Variants in COL21A1 observed in about 807,000 individuals in gnomAD.
COL21A1 encodes collagen type XXI alpha 1 chain, also known as collagen alpha-1(XXI) chain.
Under a neutral mutation model 137.9 loss-of-function variants are expected in COL21A1, and 149 were observed. The ratio of observed to expected loss-of-function variants is 1.08; its 90% CI spans 0.95 to 1.24. COL21A1 has a LOEUF of 1.24. Ranked by LOEUF, COL21A1 falls within the 50% of genes most tolerant of loss-of-function variation. The pLI, the probability that COL21A1 is intolerant of heterozygous loss-of-function variation, is 0.00. For synonymous variants in COL21A1, 456 were observed against 391.5 expected (o/e 1.16, Z -1.95); for missense variants, 1,167 against 1,158.4 (o/e 1.01, Z -0.11).
At chr6:56,167,472 A>C (rs1776683187) in intron 6 of COL21A1, among the ~76,000 whole-genome samples, 1 of 152,226 alleles carries the variant, frequency 6.6e-6, no homozygotes, top group Admixed American at 6.5e-5. Flanking sequence ...ATGTAGCATT[A>C]ATTCATAGAG....
At chr6:56,151,827 CACA>C (rs1775350690) in intron 10 of COL21A1, among the ~76,000 whole-genome samples, 4 of 152,188 alleles carry the variant, frequency 2.6e-5, no homozygotes, top group Non-Finnish European at 5.9e-5. Context: ...TGGCCTTGAA[CACA>C]TACTAATGAC....
chr6:56,377,690 C>T (rs1204966798), intron 1 of COL21A1, among the ~76,000 whole-genome samples: 1 of 152,064 alleles, frequency 6.6e-6, no homozygotes, highest in African/African-American at 2.4e-5. Context: ...GAACTGGGCC[C>T]AGAGACAGTG....
At chr6:56,312,636 A>G (rs999314896) in intron 1 of COL21A1, among the ~76,000 whole-genome samples, 2 of 152,204 alleles carry the variant, frequency 1.3e-5, no homozygotes, top group Non-Finnish European at 2.9e-5. Context: ...TGGATACATG[A>G]ATTGAAGGCT....
intron 16 of COL21A1, among the ~76,000 whole-genome samples, chr6:56,109,823 A>G (rs1025962076): frequency 6.6e-6 from 1 of 152,018 alleles, no homozygotes; most frequent in Admixed American, 6.5e-5. Context: ...AGGTTGCTCA[A>G]GAAGAAAGAT....
chr6:56,111,642 T>C (rs900684868), intron 16 of COL21A1, among the ~76,000 whole-genome samples: 1 of 151,094 alleles, frequency 6.6e-6, no homozygotes, highest in African/African-American at 2.4e-5. Context: ...GGTGGGTGAA[T>C]CACCTGAGGT....
intron 12 of COL21A1, among the ~76,000 whole-genome samples, chr6:56,134,869 T>C (rs182123189): frequency 3.3e-5 from 5 of 152,294 alleles, no homozygotes; most frequent in Admixed American, 2.0e-4. Context: ...CCTCCCATGA[T>C]TGTGAGGCCT....
intron 1 of COL21A1, among the ~76,000 whole-genome samples, chr6:56,386,991 T>G (rs951078432): frequency 2.0e-5 from 3 of 152,250 alleles, no homozygotes; most frequent in Non-Finnish European, 4.4e-5. Context: ...CCTAGAGTGC[T>G]TCCCAGCACA....
chr6:56,175,457 C>T (rs140583522), intron 3 of COL21A1, among the ~76,000 whole-genome samples: 81 of 152,022 alleles, frequency 5.3e-4, no homozygotes, highest in African/African-American at 1.9e-3. Flanking sequence ...TTGGAGAATA[C>T]AAATTCAACA....
chr6:56,064,063 A>G (rs1410522547), intron 24 of COL21A1, among the ~76,000 whole-genome samples: 1 of 152,134 alleles, frequency 6.6e-6, no homozygotes, highest in Non-Finnish European at 1.5e-5. Flanking sequence ...TCAAGAAAGA[A>G]GCAAAGCCAT....
chr6:56,317,139 T>G (rs985888019), intron 1 of COL21A1, among the ~76,000 whole-genome samples: 3 of 152,162 alleles, frequency 2.0e-5, no homozygotes, highest in African/African-American at 7.2e-5. Context: ...GATGTCAGGG[T>G]GGCAGTTTAT....
intron 9 of COL21A1, among the ~76,000 whole-genome samples, chr6:56,159,019 A>C (rs1775998855): frequency 6.6e-6 from 1 of 152,132 alleles, no homozygotes; most frequent in African/African-American, 2.4e-5. Flanking sequence ...TCTTGTTTTG[A>C]GAAGGTGCAC....
In COL21A1 at chr6:56,180,126, C is replaced by A; in HGVS notation, c.92G>T (p.Cys31Phe). ...AACTAAATCTGTCGGAGCAGTACGACAACCTAAGTGCAAAAGAAAACCATC... is the reference window on the plus strand; with the variant it reads ...AACTAAATCTGTCGGAGCAGTACGAAAACCTAAGTGCAAAAGAAAACCATC... ...LAEDGEVRSSCRTAPTDLVFI... is the reference protein window; with the variant it reads ...LAEDGEVRSSFRTAPTDLVFI... The change falls in exon 3 of 30, where the codon TGT becomes TTT. Residue 31 changes from cysteine (C) to phenylalanine (F), a missense_variant. Physicochemically the swap from Cys to Phe is radical, Grantham distance 205. Transcript: ENST00000244728. The A allele has an allele frequency of 1.2e-6, 2 of 1,602,942 alleles. No homozygotes were observed. Among genetic ancestry groups the A allele is most frequent in the South Asian group, 1.1e-5 (1 of 89,142 alleles).
intron 1 of COL21A1, among the ~76,000 whole-genome samples, chr6:56,265,675 T>C (rs1315405936): frequency 6.6e-6 from 1 of 152,214 alleles, no homozygotes; most frequent in Non-Finnish European, 1.5e-5. Flanking sequence ...CAGTGGACAA[T>C]AGACCTGCCT....
At chr6:56,073,975 C>T (rs927550225) in intron 20 of COL21A1, among the ~76,000 whole-genome samples, 2 of 151,352 alleles carry the variant, frequency 1.3e-5, no homozygotes, top group African/African-American at 4.8e-5. Context: ...ATACTAGACA[C>T]CAAGACACCA....
intron 1 of COL21A1, among the ~76,000 whole-genome samples, chr6:56,314,088 G>A (rs1764673745): frequency 6.6e-6 from 1 of 152,128 alleles, no homozygotes; most frequent in Admixed American, 6.6e-5. Flanking sequence ...GGGTTCAAGT[G>A]ATTCCCTTGC....
In COL21A1 at chr6:56,166,853, G is replaced by T. The variant is rs775869732; in HGVS notation, c.1278+53C>A. 7.7e-6 allele frequency: 10 copies of T among 1,296,004 alleles called. No homozygotes were observed. The South Asian group carries it at 1.3e-4, about 16-fold the overall frequency. The allele number at this position is 1,296,004 out of a possible 1,614,324, so 80.3% of individuals were successfully genotyped here. ...AGATAGTATCTGCTTTTTATTTATT[G>T]CTTTGAAAGTACTAAAGCAACATCT... On this transcript the variant is annotated intron_variant, in intron 7 of 29. Transcript: ENST00000244728.
intron 1 of COL21A1, among the ~76,000 whole-genome samples, chr6:56,353,542 T>C (rs1765764117): frequency 6.6e-6 from 1 of 152,192 alleles, no homozygotes; most frequent in Admixed American, 6.5e-5. Flanking sequence ...TTAGCTTAGT[T>C]CATTCAACCC....
At chr6:56,181,399 G>GT (rs141961710) in intron 2 of COL21A1, among the ~76,000 whole-genome samples, 11,864 of 145,882 alleles carry the variant, frequency 0.081, 536 homozygotes, top group Middle Eastern at 0.13. Context: ...TTTGTTTTTT[G>GT]TTTTTTTTTT....
intron 1 of COL21A1, among the ~76,000 whole-genome samples, chr6:56,241,253 C>A (rs977134537): frequency 6.6e-6 from 1 of 152,170 alleles, no homozygotes; most frequent in Non-Finnish European, 1.5e-5. Context: ...AGCTTGTTTT[C>A]TTTCTCTTCA....
Sources: gnomAD v4.1 joint callset for allele counts (sites outside exome capture counted in the v4.1 genomes callset) on GRCh38, gnomAD v4.1.1 for gene constraint, MANE v1.5 for transcripts, NCBI Gene and HGNC (gene_info 2026-07-23, HGNC 2026-07-21) for gene names.